FAM149B1: variants seen among roughly 807,000 people sequenced by gnomAD.
The protein encoded by FAM149B1 is primary cilium assembly protein FAM149B1.
A neutral mutation model predicts 75.3 loss-of-function variants in FAM149B1; 56 were observed. The ratio of observed to expected loss-of-function variants is 0.74; its 90% CI spans 0.60 to 0.93. The LOEUF (loss-of-function observed/expected upper bound fraction) is 0.93, where lower values mean the gene tolerates loss of function less well. Among genes scored for constraint, FAM149B1 ranks in the 40% least tolerant of loss-of-function variants. The probability of loss-of-function intolerance (pLI) is 0.00; values close to 1 mark genes in which losing one functional copy is unlikely to be tolerated. For missense variants in FAM149B1, 639 were observed against 708.4 expected (o/e 0.90, Z 1.11); for synonymous variants, 259 against 256.1 (o/e 1.01, Z -0.11).
rs750456652 is a variant in FAM149B1, at chr10:73,192,710, C to T, written c.425+12C>T. The T allele has an allele frequency of 2.0e-6, 3 of 1,512,860 alleles. No individual in the cohort carries two copies. Among genetic ancestry groups the T allele is most frequent in the East Asian group, 5.0e-5 (2 of 40,000 alleles). The allele number at this position is 1,512,860 out of a possible 1,614,324, so 93.7% of individuals were successfully genotyped here. ...TTTCCTCACCTCAGGTACTGAAGCC[C>T]TCCAGTTGACTTGTATTCATGGCTA... On this transcript the variant is annotated intron_variant, in intron 4 of 13. Transcript: ENST00000242505.
chr10:73,235,076 T>C, intron 11 of FAM149B1, 117 bp from the exon 12 acceptor site: 3 of 1,448,264 alleles, frequency 2.1e-6, no homozygotes, highest in Non-Finnish European at 2.8e-6. Context: ...ATTTATGACG[T>C]GGAATTGGAG....
chr10:73,171,276 G>A (rs1475568339), intron 1 of FAM149B1, among the ~76,000 whole-genome samples: 1 of 151,966 alleles, frequency 6.6e-6, no homozygotes, highest in Non-Finnish European at 1.5e-5. Context: ...CTCCCTATAA[G>A]GCCCAAAAGA....
chr10:73,201,010 G>A (rs966490539), intron 5 of FAM149B1: 20 of 311,058 alleles, frequency 6.4e-5, no homozygotes, highest in African/African-American at 4.2e-4. Flanking sequence ...GTTGGCACGT[G>A]GGACTGATGT....
At chr10:73,172,092 G>GTTA (rs138183330) in intron 1 of FAM149B1, among the ~76,000 whole-genome samples, 23,850 of 151,898 alleles carry the variant, frequency 0.16, 3,091 homozygotes, top group African/African-American at 0.33. Flanking sequence ...GATATTTTTT[G>GTTA]TTATCTAATT....
intron 1 of FAM149B1, among the ~76,000 whole-genome samples, chr10:73,173,448 C>T (rs575168283): frequency 6.6e-6 from 1 of 152,258 alleles, no homozygotes; most frequent in African/African-American, 2.4e-5. Context: ...TTCATCCCCA[C>T]CAAGGAACTT....
chr10:73,227,998 C>T, intron 7 of FAM149B1, 62 bp from the exon 8 acceptor site: 1 of 1,483,992 alleles, frequency 6.7e-7, no homozygotes, highest in South Asian at 1.2e-5. Flanking sequence ...TCTTTTTTCA[C>T]AATACTGTTG....
At chr10:73,191,314 G>A (rs1193527692) in intron 3 of FAM149B1, among the ~76,000 whole-genome samples, 2 of 147,652 alleles carry the variant, frequency 1.4e-5, no homozygotes, top group African/African-American at 2.5e-5. Context: ...TGGGATTACA[G>A]GCATGAGTCA....
Position 73,208,774 on chromosome 10 carries a change from A to G in FAM149B1, c.698A>G (p.Asp233Gly). Residue 233 changes from aspartate (D) to glycine (G), a missense_variant, in exon 6 of 14, where the codon GAT (aspartate) becomes GGT (glycine). Coordinates refer to ENST00000242505, the MANE Select transcript of FAM149B1 (RefSeq NM_173348.2). The part of the protein sequence containing the change: ...EGIIEEYLAF[D>G]HIDIEEGFHG... ...ATAATTGAGGAATACCTAGCATTCG[A>G]TCACATAGATATGTGAGTATTATGC... 1.3e-6 allele frequency: 2 copies of G among 1,515,512 alleles called. No homozygotes were observed. Among genetic ancestry groups the G allele is most frequent in the South Asian group, 2.5e-5 (2 of 78,568 alleles). 93.9% of individuals were successfully genotyped at this position (1,515,512 alleles called of 1,614,324 possible).
Position 73,193,594 on chromosome 10 carries a change from G to A in FAM149B1, c.542+1G>A. On this transcript the variant is annotated splice_donor_variant, in intron 5 of 13. Coordinates refer to ENST00000242505, the MANE Select transcript of FAM149B1 (RefSeq NM_173348.2). LOFTEE classifies it high-confidence loss of function. The stretch of plus-strand genomic sequence containing the variant: ...TGTCTCAAGAAAGAGATTCTACTAT[G>A]TGAGTATTCCATTATGTAAGTACTT... 1.3e-6 allele frequency: 2 copies of A among 1,550,290 alleles called. No homozygotes were observed. The highest frequency in any genetic ancestry group is 1.4e-5 in the African/African-American group (1 of 73,110).
In FAM149B1 at chr10:73,171,577, C is replaced by CAGTTAACA. The variant is rs549450665; in HGVS notation, c.48-3108_48-3101dup. Among the ~76,000 whole-genome samples the CAGTTAACA allele has an allele frequency of 2.5e-4, 38 of 151,736 alleles. No homozygotes were observed. In the East Asian group the frequency reaches 7.4e-3, roughly 29 times the overall value. ...GCACTACCTGTCACCCCACATTCAA[C>CAGTTAACA]AGTTAACAAAGTTAATATATTTGCT... is the stretch of plus-strand genomic sequence containing the variant. On this transcript the variant is annotated intron_variant, in intron 1 of 13. Transcript: ENST00000242505.
chr10:73,168,227 TGGCGGGAGGGGCCGGGCCGGAGCC>T lies in FAM149B1; in HGVS notation c.-102_-79del. 3.4e-6 allele frequency: 4 copies of T among 1,166,040 alleles called. No homozygotes were observed. The South Asian group carries it at 4.7e-5, about 14-fold the overall frequency. The allele number at this position is 1,166,040 out of a possible 1,614,324, so 72.2% of individuals were successfully genotyped here. A position where few individuals can be genotyped will look rare whatever the true frequency, so the allele number is the denominator to read the frequency against. ...GACGGGGCGAGACGGGGCCGGTAGG[TGGCGGGAGGGGCCGGGCCGGAGCC>T]GGCGGGAGGGCCAGGCCCGGAGGCC... On this transcript the variant is annotated 5_prime_UTR_variant, in exon 1 of 14. Transcript: ENST00000242505.
Position 73,230,526 on chromosome 10 carries a change from G to A in FAM149B1, c.1127+1G>A, listed in dbSNP as rs750681131. The A allele has an allele frequency of 3.4e-6, 5 of 1,458,806 alleles. No homozygotes were observed. The Admixed American group carries it at 7.9e-5, about 23-fold the overall frequency. 90.4% of individuals were successfully genotyped at this position (1,458,806 alleles called of 1,614,324 possible). ...ATCTCTCCCTAATGGACAAGCTCCT[G>A]TAAGAAGTTCAACATTTTCAGACTA... On this transcript the variant is annotated splice_donor_variant, in intron 9 of 13. Coordinates refer to ENST00000242505, the MANE Select transcript of FAM149B1 (RefSeq NM_173348.2). LOFTEE classifies it high-confidence loss of function.
intron 7 of FAM149B1, among the ~76,000 whole-genome samples, chr10:73,213,923 TAAC>T (rs1228882953): frequency 6.6e-6 from 1 of 152,230 alleles, no homozygotes; most frequent in African/African-American, 2.4e-5. Context: ...ATGGTCATTT[TAAC>T]AATATGGATT....
intron 5 of FAM149B1, chr10:73,200,636 G>T: frequency 4.9e-6 from 3 of 606,706 alleles, no homozygotes; most frequent in Non-Finnish European, 8.6e-6. Context: ...AAGTATTTAG[G>T]TTGTGTTGCT....
chr10:73,207,383 G>A (rs1259895611), intron 5 of FAM149B1, among the ~76,000 whole-genome samples: 2 of 152,012 alleles, frequency 1.3e-5, no homozygotes, highest in African/African-American at 4.8e-5. Context: ...GGCCAACATG[G>A]TGAAACCCCA....
At position 73,244,178 on chromosome 10, in the gene FAM149B1, C is replaced by T; in HGVS notation, c.*3159C>T. ...TTGCTAGAGGTAGTAAGTACTCTGGCACTCATAAATCACATGATGATAAAA... is the reference window on the plus strand; with the variant it reads ...TTGCTAGAGGTAGTAAGTACTCTGGTACTCATAAATCACATGATGATAAAA... On this transcript the variant is annotated 3_prime_UTR_variant, in exon 14 of 14. Coordinates refer to ENST00000242505, the MANE Select transcript of FAM149B1 (RefSeq NM_173348.2). 1 of 479,600 alleles carries T rather than the reference C, an allele frequency of 2.1e-6. No homozygotes were observed. Among genetic ancestry groups the T allele is most frequent in the South Asian group, 2.6e-5 (1 of 38,736 alleles). The allele number at this position is 479,600 out of a possible 1,614,324, so 29.7% of individuals were successfully genotyped here.
At chr10:73,180,096 T>C (rs999318780) in intron 3 of FAM149B1, among the ~76,000 whole-genome samples, 1 of 152,302 alleles carries the variant, frequency 6.6e-6, no homozygotes, top group Middle Eastern at 3.4e-3. Flanking sequence ...AGGTGATAAG[T>C]GCTCTAAGAA....
intron 7 of FAM149B1, among the ~76,000 whole-genome samples, chr10:73,214,265 G>A (rs1452848388): frequency 6.6e-6 from 1 of 152,082 alleles, no homozygotes; most frequent in African/African-American, 2.4e-5. Flanking sequence ...AGCAAACAGG[G>A]CAATTTGCCT....
At chr10:73,199,537 T>A (rs932696044) in intron 5 of FAM149B1, among the ~76,000 whole-genome samples, 1 of 151,860 alleles carries the variant, frequency 6.6e-6, no homozygotes, top group African/African-American at 2.4e-5. Flanking sequence ...ATTCTTTTTA[T>A]TTGGTTGTTT....
Sources: gnomAD v4.1 joint callset for allele counts (sites outside exome capture counted in the v4.1 genomes callset) on GRCh38, gnomAD v4.1.1 for gene constraint, MANE v1.5 for transcripts, NCBI Gene and HGNC (gene_info 2026-07-23, HGNC 2026-07-21) for gene names.